The following PLAC1 variants were observed in gnomAD, a reference collection of about 807,000 sequenced individuals.
PLAC1 encodes the protein placenta associated 1.
For missense variants in PLAC1, 136 were observed against 163.2 expected (o/e 0.83, Z 0.91); for synonymous variants, 68 against 62.1 (o/e 1.09, Z -0.44).
chrX:134,619,734 C>A (rs947649667), intron 1 of PLAC1, among the ~76,000 whole-genome samples: 1 of 111,057 alleles, frequency 9.0e-6, no homozygotes, highest in African/African-American at 3.3e-5. Flanking sequence ...TCAATGATTT[C>A]TTTAAATAAC....
At chrX:134,618,662 C>T (rs1268041247) in intron 1 of PLAC1, among the ~76,000 whole-genome samples, 1 of 111,814 alleles carries the variant, frequency 8.9e-6, no homozygotes, top group Non-Finnish European at 1.9e-5. Flanking sequence ...GCGATCTGCC[C>T]ACCTCAGCCT....
chrX:134,748,530 T>A (rs2078734235), intron 1 of PLAC1, among the ~76,000 whole-genome samples: 1 of 111,505 alleles, frequency 9.0e-6, no homozygotes, highest in Non-Finnish European at 1.9e-5. Context: ...TGGTAAGGGA[T>A]CTTGGAAGAT....
At chrX:134,660,311 G>C (rs2078411876), upstream of PLAC1, among the ~76,000 whole-genome samples, 1 of 111,090 alleles carries the variant, frequency 9.0e-6, no homozygotes, top group Non-Finnish European at 1.9e-5. Flanking sequence ...TCATCATGTT[G>C]GCCAGGCTGG....
At chrX:134,645,559 A>G (rs1190948392) in intron 1 of PLAC1, among the ~76,000 whole-genome samples, 1 of 111,469 alleles carries the variant, frequency 9.0e-6, no homozygotes, top group Admixed American at 9.5e-5. Context: ...ATTGTTGTGT[A>G]GTGTGTACAA....
intron 2 of PLAC1, among the ~76,000 whole-genome samples, chrX:134,681,630 G>A (rs2078496161): frequency 9.0e-6 from 1 of 111,227 alleles, no homozygotes; most frequent in Non-Finnish European, 1.9e-5. Context: ...GGATGAAGAA[G>A]GTAAAGATGA....
intron 2 of PLAC1, among the ~76,000 whole-genome samples, chrX:134,706,864 C>T (rs2078606245): frequency 9.0e-6 from 1 of 111,285 alleles, no homozygotes; most frequent in Non-Finnish European, 1.9e-5. Context: ...TAGAAATTAC[C>T]AAGGACAAAC....
At chrX:134,635,038 G>C (rs953205126) in intron 1 of PLAC1, among the ~76,000 whole-genome samples, 2 of 111,922 alleles carry the variant, frequency 1.8e-5, no homozygotes, top group Admixed American at 1.9e-4. Context: ...CTGTCCGATT[G>C]GTAGAGGATA....
intron 1 of PLAC1, among the ~76,000 whole-genome samples, chrX:134,623,412 G>A (rs1214095432): frequency 8.9e-6 from 1 of 112,356 alleles, no homozygotes; most frequent in Non-Finnish European, 1.9e-5. Flanking sequence ...AACATTTGCC[G>A]AGCACTTAAT....
At chrX:134,657,494 C>G (rs755131508) in intron 1 of PLAC1, among the ~76,000 whole-genome samples, 1 of 112,295 alleles carries the variant, frequency 8.9e-6, no homozygotes, top group Non-Finnish European at 1.9e-5. Flanking sequence ...TGTTTAAATA[C>G]AGAGCCCATA....
intron 1 of PLAC1, among the ~76,000 whole-genome samples, chrX:134,734,694 T>C (rs2078698396): frequency 9.0e-6 from 1 of 111,501 alleles, no homozygotes; most frequent in Non-Finnish European, 1.9e-5. Flanking sequence ...TTTTTTATCA[T>C]CATCAAAATA....
At chrX:134,669,788 G>A (rs1391255250) in intron 2 of PLAC1, among the ~76,000 whole-genome samples, 7 of 112,449 alleles carry the variant, frequency 6.2e-5, no homozygotes, top group Non-Finnish European at 9.4e-5. Flanking sequence ...AGGCTGAAGC[G>A]GGTGGTGGGC....
upstream of PLAC1, among the ~76,000 whole-genome samples, chrX:134,662,873 G>A (rs780542485): frequency 1.8e-5 from 2 of 112,154 alleles, no homozygotes; most frequent in Non-Finnish European, 3.8e-5. Flanking sequence ...AGTTTGCAAT[G>A]AGCCGAGATC....
chrX:134,575,949 T>G (rs939835215), intron 2 of PLAC1, among the ~76,000 whole-genome samples: 1 of 108,379 alleles, frequency 9.2e-6, no homozygotes, highest in African/African-American at 3.3e-5. Flanking sequence ...TCTTATCATA[T>G]CTAATAATAT....
intron 1 of PLAC1, among the ~76,000 whole-genome samples, chrX:134,605,233 G>A (rs2078116765): frequency 9.0e-6 from 1 of 111,434 alleles, no homozygotes; most frequent in Admixed American, 9.6e-5. Flanking sequence ...AGAGGCCCCT[G>A]TAGTTGAGCC....
rs148501450 is a variant in PLAC1, at chrX:134,587,673, T to A, written c.-59+14378A>T. The stretch of plus-strand genomic sequence containing the variant: ...AAATCCCTCAGTTCTCCAGAACAAT[T>A]TCATGAAGAGAGGGCCCAGGTACAT... On this transcript the variant is annotated intron_variant, in intron 2 of 2. Coordinates refer to ENST00000359237, the MANE Select transcript of PLAC1 (RefSeq NM_021796.4). 9.9e-4 allele frequency among the ~76,000 whole-genome samples: 110 copies of A among 111,481 alleles called. No homozygotes were observed. The East Asian group carries it at 0.023, about 24-fold the overall frequency.
At chrX:134,721,669 C>T (rs753947479) in intron 2 of PLAC1, among the ~76,000 whole-genome samples, 2 of 109,734 alleles carry the variant, frequency 1.8e-5, no homozygotes, top group South Asian at 8.1e-4. Context: ...TCAAGATGAG[C>T]TTGGCCAAGA....
chrX:134,699,331 G>A (rs1034301553), intron 2 of PLAC1, among the ~76,000 whole-genome samples: 3 of 111,323 alleles, frequency 2.7e-5, no homozygotes, highest in African/African-American at 9.8e-5. Flanking sequence ...CTGCCCTTCT[G>A]CCTAATGAGG....
At chrX:134,677,284 T>G (rs1254483762) in intron 2 of PLAC1, among the ~76,000 whole-genome samples, 10 of 112,367 alleles carry the variant, frequency 8.9e-5, no homozygotes, top group African/African-American at 3.2e-4. Flanking sequence ...GCTGAGGTCA[T>G]AGCAGCAAAC....
At chrX:134,597,952 G>A (rs932195879) in intron 2 of PLAC1, among the ~76,000 whole-genome samples, 48 of 111,607 alleles carry the variant, frequency 4.3e-4, no homozygotes, top group African/African-American at 1.5e-3. Context: ...GGGAACTCAC[G>A]AACTCATGTC....
Sources: allele counts gnomAD v4.1 joint callset (sites outside exome capture counted in the v4.1 genomes callset), GRCh38; gene constraint gnomAD v4.1.1; transcripts MANE v1.5; gene names NCBI Gene and HGNC (gene_info 2026-07-23, HGNC 2026-07-21).